Variants in EYS observed in about 807,000 individuals in gnomAD.
EYS encodes the protein protein eyes shut homolog.
EYS carries 250 observed loss-of-function variants against 282.1 expected under a neutral mutation model. That is an observed-to-expected ratio of 0.89 (90% CI 0.80 to 0.98). The LOEUF is 0.98. Among genes scored for constraint, EYS ranks in the 50% least tolerant of loss-of-function variants. The probability of loss-of-function intolerance (pLI) is 0.00; values close to 1 mark genes in which losing one functional copy is unlikely to be tolerated. For synonymous variants in EYS, 1,355 were observed against 1,282.9 expected (o/e 1.06, Z -1.20); for missense variants, 4,016 against 3,709.0 (o/e 1.08, Z -2.15).
At chr6:65,598,993 A>G (rs1765516588) in intron 2 of EYS, among the ~76,000 whole-genome samples, 1 of 152,006 alleles carries the variant, frequency 6.6e-6, no homozygotes, top group Admixed American at 6.6e-5. Context: ...ATATATCTAT[A>G]TCTATACAAT....
chr6:65,117,510 T>C (rs1193521152), intron 12 of EYS, among the ~76,000 whole-genome samples: 1 of 152,116 alleles, frequency 6.6e-6, no homozygotes, highest in Non-Finnish European at 1.5e-5. Context: ...ACCCAAAATA[T>C]CTGTCCCGCA....
Position 65,519,472 on chromosome 6 carries a change from C to A in EYS, c.-332-23479G>T, listed in dbSNP as rs114608676. On this transcript the variant is annotated intron_variant, in intron 2 of 42. Coordinates refer to ENST00000503581, the MANE Select transcript of EYS (RefSeq NM_001142800.2). The stretch of plus-strand genomic sequence containing the variant: ...ATCTAAATTAGTAAACAAAGGCATA[C>A]CAAATACTAGATAACTAATAAATAT... Among the ~76,000 whole-genome samples, 1,130 of 148,882 alleles carry A rather than the reference C, an allele frequency of 7.6e-3. 18 individuals carry two copies. The highest frequency in any genetic ancestry group is 0.025 in the African/African-American group (1,015 of 40,406).
At chr6:64,509,396 G>A (rs78073247) in intron 26 of EYS, among the ~76,000 whole-genome samples, 2 of 152,096 alleles carry the variant, frequency 1.3e-5, no homozygotes, top group Admixed American at 1.3e-4. Context: ...GCTACTCACA[G>A]AATTCCTCGC....
intron 34 of EYS, among the ~76,000 whole-genome samples, chr6:63,991,707 A>C (rs1048211684): frequency 2.0e-5 from 3 of 151,692 alleles, no homozygotes; most frequent in African/African-American, 7.3e-5. Context: ...AATGAATGAA[A>C]ACTCCATAAA....
chr6:65,449,514 G>T (rs1298042090), intron 5 of EYS, among the ~76,000 whole-genome samples: 1 of 151,964 alleles, frequency 6.6e-6, no homozygotes, highest in Non-Finnish European at 1.5e-5. Context: ...TGAGATTAAG[G>T]TTAGTATACA....
intron 34 of EYS, among the ~76,000 whole-genome samples, chr6:63,985,552 AC>A (rs1268038650): frequency 1.3e-5 from 2 of 151,852 alleles, no homozygotes; most frequent in African/African-American, 4.8e-5. Context: ...TGAAAATGTT[AC>A]CGTTTCCTTT....
chr6:64,117,045 G>T (rs1773408844), intron 31 of EYS, among the ~76,000 whole-genome samples: 1 of 151,982 alleles, frequency 6.6e-6, no homozygotes, highest in African/African-American at 2.4e-5. Flanking sequence ...AGTCACAATT[G>T]AATTACAATT....
At chr6:64,051,195 T>G (rs1360811713) in intron 33 of EYS, among the ~76,000 whole-genome samples, 1 of 152,160 alleles carries the variant, frequency 6.6e-6, no homozygotes, top group South Asian at 2.1e-4. Context: ...AAATATCTAT[T>G]AAACACATAC....
chr6:63,827,767 C>T (rs1008459187), intron 36 of EYS, among the ~76,000 whole-genome samples: 1 of 150,792 alleles, frequency 6.6e-6, no homozygotes, highest in Non-Finnish European at 1.5e-5. Context: ...TGGCGTGAAC[C>T]CGGGAAGCGG....
At chr6:65,538,962 T>C (rs1768062464) in intron 2 of EYS, among the ~76,000 whole-genome samples, 1 of 152,144 alleles carries the variant, frequency 6.6e-6, no homozygotes, top group Non-Finnish European at 1.5e-5. Context: ...ACAAGTTTAA[T>C]GCAGTTAAAG....
intron 22 of EYS, among the ~76,000 whole-genome samples, chr6:64,754,881 C>T (rs1157233021): frequency 6.6e-6 from 1 of 152,046 alleles, no homozygotes; most frequent in Non-Finnish European, 1.5e-5. Context: ...GATACTGGAG[C>T]AAGACAAGGA....
chr6:64,899,487 T>C (rs1173843993), intron 18 of EYS, among the ~76,000 whole-genome samples: 1 of 152,126 alleles, frequency 6.6e-6, no homozygotes, highest in Non-Finnish European at 1.5e-5. Context: ...GCCCAAAAAC[T>C]CCTTAAGCTG....
intron 33 of EYS, among the ~76,000 whole-genome samples, chr6:64,002,232 A>G (rs1768130952): frequency 6.6e-6 from 1 of 152,176 alleles, no homozygotes; most frequent in Non-Finnish European, 1.5e-5. Flanking sequence ...GGGGAAGACC[A>G]TCTTCCCACT....
chr6:65,047,703 G>A (rs1773143363), intron 13 of EYS, among the ~76,000 whole-genome samples: 1 of 151,856 alleles, frequency 6.6e-6, no homozygotes, highest in African/African-American at 2.4e-5. Context: ...ATCCTAGCAG[G>A]CAAGAGATGA....
intron 14 of EYS, among the ~76,000 whole-genome samples, chr6:64,952,914 C>G (rs1015540917): frequency 1.3e-5 from 2 of 151,816 alleles, no homozygotes; most frequent in African/African-American, 2.4e-5. Context: ...GGAATAGTGT[C>G]TAATGTTTGA....
intron 31 of EYS, among the ~76,000 whole-genome samples, chr6:64,229,045 G>A (rs576096455): frequency 6.6e-6 from 1 of 152,244 alleles, no homozygotes; most frequent in African/African-American, 2.4e-5. Flanking sequence ...GGCTGAGGCG[G>A]GTGGATCACC....
At chr6:65,515,457 C>A (rs1010597002) in intron 2 of EYS, among the ~76,000 whole-genome samples, 2 of 151,438 alleles carry the variant, frequency 1.3e-5, no homozygotes, top group Non-Finnish European at 3.0e-5. Context: ...ACCCAAAGGA[C>A]TATAAATCAT....
intron 28 of EYS, among the ~76,000 whole-genome samples, chr6:64,415,758 G>T (rs931998752): frequency 6.6e-6 from 1 of 152,092 alleles, no homozygotes; most frequent in African/African-American, 2.4e-5. Flanking sequence ...AAATCATAAG[G>T]CATAAAGCTA....
At chr6:65,513,913 T>C (rs1252944336) in intron 2 of EYS, among the ~76,000 whole-genome samples, 3 of 152,146 alleles carry the variant, frequency 2.0e-5, no homozygotes, top group Non-Finnish European at 4.4e-5. Flanking sequence ...CCACTCCTAT[T>C]CAACATAGTG....
Sources: gnomAD v4.1 joint callset for allele counts (sites outside exome capture counted in the v4.1 genomes callset) on GRCh38, gnomAD v4.1.1 for gene constraint, MANE v1.5 for transcripts, NCBI Gene and HGNC (gene_info 2026-07-23, HGNC 2026-07-21) for gene names.